The following INPP4B variants were observed in gnomAD, a reference collection of about 807,000 sequenced individuals.
The protein encoded by INPP4B is inositol polyphosphate 4-phosphatase type II.
Under a neutral mutation model 122.5 loss-of-function variants are expected in INPP4B, and 55 were observed. That is an observed-to-expected ratio of 0.45 (90% CI 0.36 to 0.56). The LOEUF is 0.56. Among genes scored for constraint, INPP4B ranks in the 20% least tolerant of loss-of-function variants. INPP4B has a pLI of 0.00. For synonymous variants in INPP4B, 403 were observed against 388.7 expected, an observed-to-expected ratio of 1.04 and a Z score of -0.43; for missense variants, 1,000 against 1,097.7, an observed-to-expected ratio of 0.91 and a Z score of 1.26.
chr4:142,586,802 G>C (rs1736310608), intron 2 of INPP4B, among the ~76,000 whole-genome samples: 1 of 152,160 alleles, frequency 6.6e-6, no homozygotes, highest in African/African-American at 2.4e-5. Context: ...GACTTCTGAG[G>C]AGTGATATTT....
At chr4:142,481,251 G>C (rs334216) in intron 2 of INPP4B, among the ~76,000 whole-genome samples, 1 of 151,546 alleles carries the variant, frequency 6.6e-6, no homozygotes, top group South Asian at 2.1e-4. Flanking sequence ...TTCTCCTTTA[G>C]AAAAAGGGAG....
At chr4:142,227,623 G>A (rs1207876132) in intron 12 of INPP4B, among the ~76,000 whole-genome samples, 1 of 151,830 alleles carries the variant, frequency 6.6e-6, no homozygotes, top group African/African-American at 2.4e-5. Context: ...CACTTTGGGA[G>A]GTCAAGGCAG....
intron 2 of INPP4B, among the ~76,000 whole-genome samples, chr4:142,541,683 A>C (rs78966175): frequency 0.019 from 2,859 of 152,242 alleles, 57 homozygotes; most frequent in African/African-American, 0.046. Flanking sequence ...AGCGCTGCAG[A>C]CTTTTTCTTC....
chr4:142,371,170 G>A (rs1164759656), intron 7 of INPP4B, among the ~76,000 whole-genome samples: 1 of 152,072 alleles, frequency 6.6e-6, no homozygotes, highest in Non-Finnish European at 1.5e-5. Context: ...TGTACACTAG[G>A]GGAAAGGACA....
At chr4:142,411,885 C>G (rs937030363) in intron 5 of INPP4B, among the ~76,000 whole-genome samples, 11 of 152,116 alleles carry the variant, frequency 7.2e-5, no homozygotes, top group African/African-American at 2.7e-4. Flanking sequence ...GAGTGAGACT[C>G]TGTCTCAAAA....
chr4:142,119,058 C>T (rs1396679828), intron 21 of INPP4B, among the ~76,000 whole-genome samples: 1 of 152,204 alleles, frequency 6.6e-6, no homozygotes, highest in Non-Finnish European at 1.5e-5. Context: ...CTCATCATCA[C>T]TGGCCATCAG....
chr4:142,835,369 C>T (rs1015768044), intron 1 of INPP4B, among the ~76,000 whole-genome samples: 2 of 152,044 alleles, frequency 1.3e-5, no homozygotes, highest in African/African-American at 4.8e-5. Context: ...TTCTCTCCTG[C>T]GTGATTTTAA....
At chr4:142,239,019 A>G (rs1354554309) in intron 11 of INPP4B, among the ~76,000 whole-genome samples, 1 of 152,148 alleles carries the variant, frequency 6.6e-6, no homozygotes, top group East Asian at 1.9e-4. Flanking sequence ...GGCTGTAAAA[A>G]ATACTGAACA....
rs144626729 is a variant in INPP4B, at chr4:142,405,251, G to C, written c.210C>G (p.Pro70=). ...NTLVQISVIH[P]VEQSLTRYSS... ...AGTATCTTGTCAGACTCTGCTCCAC[G>C]GGGTGGATTACGGAGATCTGCACCA... The change falls in exon 6 of 26, where the codon CCC becomes CCG. Residue 70 remains proline, a synonymous_variant. Coordinates refer to ENST00000262992, the MANE Select transcript of INPP4B (RefSeq NM_001101669.3). 1 of 1,612,862 alleles carries C rather than the reference G, an allele frequency of 6.2e-7. No homozygotes were observed.
chr4:142,519,953 C>A (rs1305971297), intron 2 of INPP4B, among the ~76,000 whole-genome samples: 1 of 151,838 alleles, frequency 6.6e-6, no homozygotes, highest in African/African-American at 2.4e-5. Flanking sequence ...TATTAGTTTC[C>A]AATACAATAA....
At chr4:142,365,144 G>T (rs952660200) in intron 7 of INPP4B, among the ~76,000 whole-genome samples, 1 of 152,094 alleles carries the variant, frequency 6.6e-6, no homozygotes, top group African/African-American at 2.4e-5. Context: ...GGCAGAATTT[G>T]AGTAATGAAA....
intron 1 of INPP4B, among the ~76,000 whole-genome samples, chr4:142,826,863 G>C (rs1239502965): frequency 6.6e-6 from 1 of 152,164 alleles, no homozygotes; most frequent in Non-Finnish European, 1.5e-5. Context: ...GTTATTAAAA[G>C]CTCTTGGAAG....
At chr4:142,345,228 A>T (rs1779934995) in intron 7 of INPP4B, among the ~76,000 whole-genome samples, 1 of 152,006 alleles carries the variant, frequency 6.6e-6, no homozygotes, top group Admixed American at 6.6e-5. Context: ...TAAATAAAAG[A>T]CATTATATAG....
At chr4:142,090,500 G>A (rs527723555) in intron 23 of INPP4B, among the ~76,000 whole-genome samples, 1 of 151,902 alleles carries the variant, frequency 6.6e-6, no homozygotes, top group East Asian at 1.9e-4. Flanking sequence ...TAATAGGTGA[G>A]GTTTCAAGAT....
intron 2 of INPP4B, among the ~76,000 whole-genome samples, chr4:142,510,487 G>T (rs1332210097): frequency 6.6e-6 from 1 of 152,044 alleles, no homozygotes; most frequent in Non-Finnish European, 1.5e-5. Context: ...ATTTTATTTG[G>T]CAAATACACA....
intron 2 of INPP4B, among the ~76,000 whole-genome samples, chr4:142,496,351 G>C (rs939513728): frequency 3.9e-5 from 6 of 151,982 alleles, no homozygotes; most frequent in African/African-American, 1.4e-4. Context: ...TCACATTGTG[G>C]CTATGAGGAA....
At chr4:142,705,834 T>C (rs988938318) in intron 2 of INPP4B, among the ~76,000 whole-genome samples, 3 of 152,266 alleles carry the variant, frequency 2.0e-5, no homozygotes, top group African/African-American at 7.2e-5. Context: ...GCACTCAGTA[T>C]ACTGCATTAG....
Position 142,373,571 on chromosome 4 carries a change from A to G in INPP4B, c.372+29367T>C, listed in dbSNP as rs186826450. ...AGCTGCTTCACCTCTCTGTGCCTCA[A>G]TTTCCTCATCTAGAAAATGGGAATG... On this transcript the variant is annotated intron_variant, in intron 7 of 25. Coordinates refer to ENST00000262992, the MANE Select transcript of INPP4B (RefSeq NM_001101669.3). 3.3e-5 allele frequency among the ~76,000 whole-genome samples: 5 copies of G among 152,024 alleles called. No homozygotes were observed. The East Asian group carries it at 9.7e-4, about 29-fold the overall frequency.
At chr4:142,755,450 C>T (rs912724746) in intron 1 of INPP4B, among the ~76,000 whole-genome samples, 1 of 151,884 alleles carries the variant, frequency 6.6e-6, no homozygotes, top group African/African-American at 2.4e-5. Flanking sequence ...CTCAATTAGT[C>T]CTATTTTTCC....
Sources: gnomAD v4.1 joint callset for allele counts (sites outside exome capture counted in the v4.1 genomes callset) on GRCh38, gnomAD v4.1.1 for gene constraint, MANE v1.5 for transcripts, NCBI Gene and HGNC (gene_info 2026-07-23, HGNC 2026-07-21) for gene names.